PDLIM5: variants seen among roughly 807,000 people sequenced by gnomAD.
PDLIM5 encodes PDZ and LIM domain protein 5.
PDLIM5 carries 34 observed loss-of-function variants against 64.2 expected under a neutral mutation model. The ratio of observed to expected loss-of-function variants is 0.53; its 90% CI spans 0.40 to 0.71. PDLIM5 has a LOEUF of 0.71. PDLIM5 is among the 30% of genes least tolerant of loss of function. PDLIM5 has a pLI of 0.00. For missense variants in PDLIM5, 683 were observed against 733.6 expected (o/e 0.93, Z 0.80); for synonymous variants, 253 against 269.1 (o/e 0.94, Z 0.59).
At chr4:94,502,649 G>A (rs1206025894) in intron 2 of PDLIM5, among the ~76,000 whole-genome samples, 1 of 152,116 alleles carries the variant, frequency 6.6e-6, no homozygotes, top group African/African-American at 2.4e-5. Flanking sequence ...AGCCGAGGTG[G>A]GTGGATCTTT....
chr4:94,590,672 C>CT (rs1736604650), intron 7 of PDLIM5, among the ~76,000 whole-genome samples: 2 of 152,072 alleles, frequency 1.3e-5, no homozygotes, highest in South Asian at 4.1e-4. Flanking sequence ...CGTGTGATGA[C>CT]TTGAGGGTGG....
intron 8 of PDLIM5, among the ~76,000 whole-genome samples, chr4:94,633,130 A>G (rs1210017197): frequency 1.3e-5 from 2 of 152,188 alleles, no homozygotes; most frequent in African/African-American, 4.8e-5. Flanking sequence ...TTATATTACA[A>G]TATAGATTAA....
intron 11 of PDLIM5, among the ~76,000 whole-genome samples, chr4:94,660,432 C>A (rs1166110837): frequency 6.6e-6 from 1 of 152,166 alleles, no homozygotes; most frequent in African/African-American, 2.4e-5. Context: ...TTCAGAGAGG[C>A]CTTTTCTAAT....
rs531881422 is a variant in PDLIM5 at position 94,568,840 on chromosome 4, A to G, written c.249-4511A>G. 2.6e-5 allele frequency among the ~76,000 whole-genome samples: 4 copies of G among 152,344 alleles called. No homozygotes were observed. In the South Asian group the frequency reaches 8.3e-4, roughly 32 times the overall value. ...GTCATATACTAATATTTTAAAATAA[A>G]TGTACCTAAGGAGATAACAAGTTAA... On this transcript the variant is annotated intron_variant, in intron 3 of 12. Coordinates refer to ENST00000317968, the MANE Select transcript of PDLIM5 (RefSeq NM_006457.5).
At chr4:94,611,137 T>C (rs914850323) in intron 7 of PDLIM5, 9 of 1,534,802 alleles carry the variant, frequency 5.9e-6, no homozygotes, top group African/African-American at 1.4e-5. Context: ...TCCAAGCCTT[T>C]AGCTTTTTCC....
At chr4:94,472,069 T>C (rs1393834878) in intron 2 of PDLIM5, among the ~76,000 whole-genome samples, 1 of 152,202 alleles carries the variant, frequency 6.6e-6, no homozygotes, top group African/African-American at 2.4e-5. Flanking sequence ...ACTTCTTAGA[T>C]AATATCATCT....
chr4:94,539,167 A>C (rs2110177190), intron 3 of PDLIM5, among the ~76,000 whole-genome samples: 1 of 152,334 alleles, frequency 6.6e-6, no homozygotes, highest in East Asian at 1.9e-4. Context: ...TAGGAAAAGA[A>C]GCTTGAAACG....
chr4:94,639,330 G>A (rs905707311), intron 8 of PDLIM5, among the ~76,000 whole-genome samples: 31 of 152,256 alleles, frequency 2.0e-4, no homozygotes, highest in African/African-American at 7.2e-4. Flanking sequence ...GTCAAATAGG[G>A]AGATCCTTAA....
intron 8 of PDLIM5, among the ~76,000 whole-genome samples, chr4:94,638,903 G>A (rs1740783395): frequency 6.6e-6 from 1 of 152,118 alleles, no homozygotes; most frequent in Non-Finnish European, 1.5e-5. Flanking sequence ...TGCCCTCAGG[G>A]AGTATACTAT....
At position 94,643,923 on chromosome 4, in the gene PDLIM5, C is replaced by G. The variant is rs549925374; in HGVS notation, c.1283+3473C>G. Among the ~76,000 whole-genome samples the G allele has an allele frequency of 7.2e-5, 11 of 152,212 alleles. No individual in the cohort carries two copies. The South Asian group carries it at 8.3e-4, about 11-fold the overall frequency. The stretch of plus-strand genomic sequence containing the variant: ...TTTATTTATAGGTTTTATTTATCAT[C>G]CCCACTAATTAAGATTTTACTTGAA... On this transcript the variant is annotated intron_variant, in intron 9 of 12. Coordinates refer to ENST00000317968, the MANE Select transcript of PDLIM5 (RefSeq NM_006457.5).
chr4:94,499,669 G>A (rs1727734319), intron 2 of PDLIM5, among the ~76,000 whole-genome samples: 1 of 152,170 alleles, frequency 6.6e-6, no homozygotes, highest in South Asian at 2.1e-4. Context: ...CCCGGGTTAT[G>A]GATGGGTACA....
chr4:94,576,101 C>G, intron 5 of PDLIM5, 67 bp downstream of exon 5: 2 of 1,360,086 alleles, frequency 1.5e-6, no homozygotes, highest in South Asian at 2.7e-5. Context: ...AGGAAATACT[C>G]TACATTCCTC....
At chr4:94,502,446 C>T (rs2452562) in intron 2 of PDLIM5, among the ~76,000 whole-genome samples, 30,869 of 152,126 alleles carry the variant, frequency 0.2, 3,543 homozygotes, top group East Asian at 0.26. Context: ...TTTGGAGTCA[C>T]ACTGCCTGGG....
At chr4:94,631,578 A>G (rs1740149944) in intron 8 of PDLIM5, among the ~76,000 whole-genome samples, 1 of 152,230 alleles carries the variant, frequency 6.6e-6, no homozygotes, top group African/African-American at 2.4e-5. Context: ...AGTGAGTACT[A>G]GCAGGTTTAG....
intron 10 of PDLIM5, among the ~76,000 whole-genome samples, chr4:94,654,893 G>A (rs191218246): frequency 1.3e-5 from 2 of 152,092 alleles, no homozygotes; most frequent in Non-Finnish European, 2.9e-5. Context: ...CCACTGTGGG[G>A]AAAAAATAAT....
At chr4:94,555,647 C>G (rs934617532) in intron 3 of PDLIM5, among the ~76,000 whole-genome samples, 13 of 151,818 alleles carry the variant, frequency 8.6e-5, no homozygotes, top group Non-Finnish European at 1.6e-4. Flanking sequence ...ATGAATTTCC[C>G]CATGAAAGTA....
intron 2 of PDLIM5, among the ~76,000 whole-genome samples, chr4:94,472,929 T>C (rs540344544): frequency 1.1e-4 from 16 of 152,298 alleles, no homozygotes; most frequent in African/African-American, 3.8e-4. Context: ...TAAAACAAAG[T>C]CTGTGCCCTC....
rs755501291 is a variant in PDLIM5, at chr4:94,585,696, G to A, written c.842G>A (p.Arg281His). 3.5e-5 allele frequency: 56 copies of A among 1,613,606 alleles called. No individual in the cohort carries two copies. Among genetic ancestry groups the A allele is most frequent in the East Asian group, 4.5e-5 (2 of 44,888 alleles). Residue 281 changes from arginine to histidine, a missense_variant, in exon 6 of 13, where the codon CGC becomes CAC. Physicochemically the swap from Arg to His is conservative, Grantham distance 29. Transcript: ENST00000317968. ...WRPRTGTTQSRSFRILAQITG... is the reference protein window; with the variant it reads ...WRPRTGTTQSHSFRILAQITG... Reference sequence around the variant, plus strand: ...CCAAGGACTGGAACAACTCAGTCTCGCTCTTTCCGAATCCTTGCCCAGATC... The same window carrying A: ...CCAAGGACTGGAACAACTCAGTCTCACTCTTTCCGAATCCTTGCCCAGATC...
Position 94,614,404 on chromosome 4 carries a change from T to G in PDLIM5, c.921-3600T>G, listed in dbSNP as rs1457700567. 1.2e-4 allele frequency among the ~76,000 whole-genome samples: 19 copies of G among 152,200 alleles called. 1 individual carries two copies. Among genetic ancestry groups the G allele is most frequent in the African/African-American group, 4.3e-4 (18 of 41,442 alleles). ...TGCTGGGATTACAGGCATGAACTAC[T>G]GTGCCCAGCCAATACCAAATGTTTA... On this transcript the variant is annotated intron_variant, in intron 7 of 12. Transcript: ENST00000317968.
Sources: gnomAD v4.1 joint callset for allele counts (sites outside exome capture counted in the v4.1 genomes callset) on GRCh38, gnomAD v4.1.1 for gene constraint, MANE v1.5 for transcripts, NCBI Gene and HGNC (gene_info 2026-07-23, HGNC 2026-07-21) for gene names.